Variants in MYOM1 observed in about 807,000 individuals in gnomAD.
MYOM1 encodes myomesin-1.
Under a neutral mutation model 205.3 loss-of-function variants are expected in MYOM1, and 164 were observed. That is an observed-to-expected ratio of 0.80 (90% CI 0.70 to 0.91). MYOM1 has a LOEUF of 0.91. Ranked by LOEUF, MYOM1 falls within the 40% of genes least tolerant of loss-of-function variation. MYOM1 has a pLI of 0.00. For synonymous variants in MYOM1, 772 were observed against 789.4 expected (o/e 0.98, Z 0.37); for missense variants, 2,011 against 2,127.3 (o/e 0.95, Z 1.08).
intron 20 of MYOM1, among the ~76,000 whole-genome samples, chr18:3,118,623 C>T (rs919734391): frequency 3.3e-5 from 5 of 152,242 alleles, no homozygotes; most frequent in African/African-American, 7.2e-5. Flanking sequence ...AATGAGCCAC[C>T]GCACCCAGCC....
At chr18:3,190,193 AATATTTGAATTATTTTAAC>A (rs2080884285) in intron 3 of MYOM1, among the ~76,000 whole-genome samples, 1 of 152,218 alleles carries the variant, frequency 6.6e-6, no homozygotes, top group Admixed American at 6.5e-5. Context: ...GTCGTTTAAA[AATATTTGAATTATTTTAAC>A]ATATTTCAAT....
At chr18:3,166,270 T>TA (rs1190775881) in intron 9 of MYOM1, among the ~76,000 whole-genome samples, 2 of 140,952 alleles carry the variant, frequency 1.4e-5, no homozygotes, top group South Asian at 2.3e-4. Flanking sequence ...AGTCTTTTTT[T>TA]TTTTTTTTTT....
At chr18:3,128,013 G>C (rs140634063) in intron 18 of MYOM1, among the ~76,000 whole-genome samples, 166 of 152,300 alleles carry the variant, frequency 1.1e-3, no homozygotes, top group Non-Finnish European at 1.7e-3. Flanking sequence ...GGGTGAAGTG[G>C]TGGAAAGAAA....
intron 22 of MYOM1, among the ~76,000 whole-genome samples, chr18:3,107,299 A>C (rs1392226943): frequency 1.3e-5 from 2 of 152,098 alleles, no homozygotes; most frequent in African/African-American, 2.4e-5. Flanking sequence ...TTGTATTTTT[A>C]GTAGAGAGGG....
At chr18:3,170,990 T>C (rs1421380276) in intron 8 of MYOM1, among the ~76,000 whole-genome samples, 1 of 152,224 alleles carries the variant, frequency 6.6e-6, no homozygotes, top group Non-Finnish European at 1.5e-5. Flanking sequence ...GACCAAGTAT[T>C]GGTCCAAGCA....
At chr18:3,197,697 C>T (rs865966786) in intron 2 of MYOM1, among the ~76,000 whole-genome samples, 36 of 151,704 alleles carry the variant, frequency 2.4e-4, no homozygotes, top group Middle Eastern at 6.8e-3. Context: ...CATGGTGAAA[C>T]CCCGTCTTTA....
rs989927725 is a variant in MYOM1 at position 3,116,373 on chromosome 18, C to T, written c.3261G>A (p.Trp1087Ter). ...TAATAGCCGCCTCATTGAGCCCTCGCCACTGGTCTTCTTTGGCCTTGGCCT... is the reference window on the plus strand; with the variant it reads ...TAATAGCCGCCTCATTGAGCCCTCGTCACTGGTCTTCTTTGGCCTTGGCCT... ...LKEAKAKEDQ[W>*]RGLNEAAIKN... Residue 1087 changes from tryptophan (W) to a stop codon, truncating the protein, a stop_gained, in exon 21 of 38, where the codon TGG becomes TGA. Coordinates refer to ENST00000356443, the MANE Select transcript of MYOM1 (RefSeq NM_003803.4). LOFTEE classifies it high-confidence loss of function. The T allele has an allele frequency of 9.9e-6, 16 of 1,612,808 alleles. No homozygotes were observed. The highest frequency in any genetic ancestry group is 8.3e-5 in the Admixed American group (5 of 59,952).
chr18:3,220,685 G>C (rs1271607028), upstream of MYOM1, among the ~76,000 whole-genome samples: 1 of 152,180 alleles, frequency 6.6e-6, no homozygotes, highest in South Asian at 2.1e-4. Flanking sequence ...ACCAGATCTA[G>C]ATCCCACTAT....
intron 6 of MYOM1, among the ~76,000 whole-genome samples, 184 bp from the exon 7 acceptor site, chr18:3,174,392 C>CAAGT (rs1270219930): frequency 6.6e-6 from 1 of 152,074 alleles, no homozygotes; most frequent in Non-Finnish European, 1.5e-5. Context: ...TTACCTAGTC[C>CAAGT]AAGTGATCTA....
At chr18:3,230,523 A>G in the MYOM1 span, among the ~76,000 whole-genome samples, 3 of 152,256 alleles carry the variant, frequency 2.0e-5, no homozygotes, top group Non-Finnish European at 4.4e-5. Context: ...GCATAGTAGT[A>G]TAACTTTGTA....
chr18:3,114,923 T>G (rs1347995429), intron 21 of MYOM1, among the ~76,000 whole-genome samples: 1 of 152,152 alleles, frequency 6.6e-6, no homozygotes, highest in Non-Finnish European at 1.5e-5. Flanking sequence ...TGAGTGACAT[T>G]AACCATTCTT....
intron 19 of MYOM1, among the ~76,000 whole-genome samples, chr18:3,123,656 TCTTA>T (rs757544314): frequency 2.0e-4 from 31 of 151,414 alleles, no homozygotes; most frequent in South Asian, 4.1e-4. Flanking sequence ...TTTTGTTTTG[TCTTA>T]CTTATTATTA....
chr18:3,134,651 G>A lies in MYOM1; in HGVS notation c.2383C>T (p.Arg795Ter), dbSNP rs201618512. ...GCCCTGCACACCCGACTGAGTTACC[G>A]TGAGCCCTTCACGGGGTTGTTGTTA... ...PCNNNPVKGS[R>*]FTCHGLVTGQ... Residue 795 changes from arginine to a stop codon, truncating the protein, a stop_gained and splice_region_variant, in exon 16 of 38, where the codon CGA becomes TGA. Coordinates refer to ENST00000356443, the MANE Select transcript of MYOM1 (RefSeq NM_003803.4). LOFTEE classifies it high-confidence loss of function. 6.6e-5 allele frequency: 106 copies of A among 1,610,522 alleles called. No individual in the cohort carries two copies. The highest frequency in any genetic ancestry group is 8.5e-5 in the Non-Finnish European group (100 of 1,177,296).
chr18:3,214,087 G>C (rs1438015286), intron 2 of MYOM1, among the ~76,000 whole-genome samples: 1 of 152,210 alleles, frequency 6.6e-6, no homozygotes, highest in Non-Finnish European at 1.5e-5. Context: ...ATAGGGCCAT[G>C]TTTTTATCAA....
rs756565315 is a variant in MYOM1 at position 3,089,607 on chromosome 18, A to C, written c.4010-11T>G. On this transcript the variant is annotated splice_polypyrimidine_tract_variant and intron_variant, in intron 27 of 37. Transcript: ENST00000356443. The stretch of plus-strand genomic sequence containing the variant: ...GGAGCTTTTTGAAAACTACAAATTG[A>C]AAAACAAGGAAGTGTGAAATTGAGT... 3.1e-6 allele frequency: 5 copies of C among 1,602,162 alleles called. No individual in the cohort carries two copies. Among genetic ancestry groups the C allele is most frequent in the Non-Finnish European group, 4.3e-6 (5 of 1,174,446 alleles).
At position 3,089,519 on chromosome 18, in the gene MYOM1, T is replaced by C. The variant is rs759333233; in HGVS notation, c.4069+18A>G. On this transcript the variant is annotated intron_variant, in intron 28 of 37. Transcript: ENST00000356443. ...AAAAAAATTAAAAATTTTCTCTTTATCCACGGCCTATTTTTACCTTGTTTC... is the reference window on the plus strand; with the variant it reads ...AAAAAAATTAAAAATTTTCTCTTTACCCACGGCCTATTTTTACCTTGTTTC... 135 of 1,594,240 alleles carry C rather than the reference T, an allele frequency of 8.5e-5. 1 individual carries two copies. Among genetic ancestry groups the C allele is most frequent in the Middle Eastern group, 1.7e-4 (1 of 6,004 alleles).
rs780929540 is a variant in MYOM1, at chr18:3,214,921, G to C, written c.290+13C>G. 6.4e-7 allele frequency: 1 copy of C among 1,568,448 alleles called. No homozygotes were observed. Among genetic ancestry groups the C allele is most frequent in the Non-Finnish European group, 8.7e-7 (1 of 1,155,150 alleles). On this transcript the variant is annotated intron_variant, in intron 2 of 37. Coordinates refer to ENST00000356443, the MANE Select transcript of MYOM1 (RefSeq NM_003803.4). ...CCTGAGGTTGGAAGGTTGGAGGAGG[G>C]CGTCCGACATACCCATGGGAGGAGC...
At chr18:3,075,382 A>T in intron 36 of MYOM1, 72 bp downstream of exon 36, 1 of 1,438,738 alleles carries the variant, frequency 7.0e-7, no homozygotes, top group South Asian at 1.2e-5. Context: ...TGTAGTTATA[A>T]TAGCAAAATA....
intron 3 of MYOM1, among the ~76,000 whole-genome samples, chr18:3,192,013 A>G (rs1247492548): frequency 6.6e-6 from 1 of 152,040 alleles, no homozygotes; most frequent in Non-Finnish European, 1.5e-5. Context: ...TTCTTTTATC[A>G]CAGTGTATTT....
Sources: gnomAD v4.1 joint callset for allele counts (sites outside exome capture counted in the v4.1 genomes callset) on GRCh38, gnomAD v4.1.1 for gene constraint, MANE v1.5 for transcripts, NCBI Gene and HGNC (gene_info 2026-07-23, HGNC 2026-07-21) for gene names.